Variants in CHL1 observed in about 807,000 individuals in gnomAD.
CHL1 encodes cell adhesion molecule L1 like.
In CHL1, 96 loss-of-function variants were observed where a neutral mutation model predicts 141.9. The observed-to-expected ratio is 0.68, with a 90% CI of 0.57 to 0.80. CHL1 has a LOEUF of 0.80. Ranked by LOEUF, CHL1 falls within the 30% of genes least tolerant of loss-of-function variation. The pLI is 0.00. For missense variants in CHL1, 1,820 were observed against 1,457.2 expected, an observed-to-expected ratio of 1.25 and a Z score of -4.05; for synonymous variants, 613 against 502.2, an observed-to-expected ratio of 1.22 and a Z score of -2.95.
chr3:347,133 A>G (rs1034819795), intron 9 of CHL1, among the ~76,000 whole-genome samples: 1 of 152,142 alleles, frequency 6.6e-6, no homozygotes, highest in Admixed American at 6.6e-5. Flanking sequence ...TAAAATGGCC[A>G]TAGATGGACT....
intron 2 of CHL1, among the ~76,000 whole-genome samples, chr3:248,843 AT>A (rs1693423286): frequency 1.3e-5 from 2 of 152,164 alleles, no homozygotes; most frequent in African/African-American, 4.8e-5. Flanking sequence ...GATCTCTTTC[AT>A]AAGCAGACAC....
At position 346,109 on chromosome 3, in the gene CHL1, T is replaced by C. The variant is rs959591241; in HGVS notation, c.848+1400T>C. ...TTTGAAATTCAAAAAATCATATTCA[T>C]TCATAATTTAGAGTACATTCTGAAC... On this transcript the variant is annotated intron_variant, in intron 9 of 27. Transcript: ENST00000256509. 9.2e-5 allele frequency among the ~76,000 whole-genome samples: 14 copies of C among 152,194 alleles called. No individual in the cohort carries two copies. The East Asian group carries it at 2.7e-3, about 29-fold the overall frequency.
chr3:396,659 G>C (rs138433262), intron 24 of CHL1, among the ~76,000 whole-genome samples: 1 of 151,978 alleles, frequency 6.6e-6, no homozygotes, highest in Non-Finnish European at 1.5e-5. Flanking sequence ...CTTCACTGTC[G>C]TATGTGTCAG....
chr3:267,982 A>G (rs895826218), intron 2 of CHL1, among the ~76,000 whole-genome samples: 2 of 152,102 alleles, frequency 1.3e-5, no homozygotes, highest in Non-Finnish European at 2.9e-5. Context: ...ATTCTTTCCT[A>G]TGAAAAACCA....
At chr3:205,129 G>T (rs181685176) in intron 1 of CHL1, among the ~76,000 whole-genome samples, 2 of 143,030 alleles carry the variant, frequency 1.4e-5, no homozygotes, top group Admixed American at 1.5e-4. Flanking sequence ...TGGAGATAGG[G>T]TCTGGCTCTG....
At chr3:224,446 G>T (rs1255971672) in intron 1 of CHL1, among the ~76,000 whole-genome samples, 1 of 152,166 alleles carries the variant, frequency 6.6e-6, no homozygotes, top group African/African-American at 2.4e-5. Flanking sequence ...CATGGGAACA[G>T]ATCCCGTATG....
intron 1 of CHL1, among the ~76,000 whole-genome samples, chr3:241,110 A>T (rs1017927241): frequency 3.9e-5 from 6 of 152,206 alleles, no homozygotes; most frequent in African/African-American, 1.4e-4. Flanking sequence ...AATACAGAAT[A>T]AAGGAAGTAG....
chr3:391,132 C>G lies in CHL1; in HGVS notation c.2764C>G (p.Pro922Ala). The change falls in exon 22 of 28, where the codon CCT becomes GCT. Residue 922 changes from proline to alanine, a missense_variant. Transcript: ENST00000256509. ...NSKGAGPESE[P>A]YIFQTPEGVP... is the part of the protein sequence containing the mutation. ...TAAAGGAGCTGGTCCTGAAAGTGAG[C>G]CTTATATATTTCAAACACCAGAAGG... is the stretch of plus-strand genomic sequence containing the variant. 6.2e-7 allele frequency: 1 copy of G among 1,612,890 alleles called. No homozygotes were observed. Among genetic ancestry groups the G allele is most frequent in the Non-Finnish European group, 8.5e-7 (1 of 1,179,032 alleles).
rs1258391274 is a variant in CHL1 at position 401,695 on chromosome 3, A to G, written c.3455A>G (p.Tyr1152Cys). The change falls in exon 27 of 28, where the codon TAC becomes TGC. Residue 1152 changes from tyrosine (Y) to cysteine (C), a missense_variant. Physicochemically the swap from Tyr to Cys is radical, Grantham distance 194. Transcript: ENST00000256509. ...QSVKDETFGE[Y>C]SDSDEKPLKG... is the part of the protein sequence containing the mutation. The stretch of plus-strand genomic sequence containing the variant: ...GTAAAAGATGAAACCTTTGGTGAAT[A>G]CAGGTAAACATAAGGTTCTGTTGTA... 1 of 1,551,764 alleles carries G rather than the reference A, an allele frequency of 6.4e-7. No homozygotes were observed. Among genetic ancestry groups the G allele is most frequent in the Non-Finnish European group, 8.8e-7 (1 of 1,136,880 alleles).
At chr3:269,015 C>G (rs1425398323) in intron 2 of CHL1, among the ~76,000 whole-genome samples, 1 of 152,136 alleles carries the variant, frequency 6.6e-6, no homozygotes, top group East Asian at 1.9e-4. Flanking sequence ...CTAGAGTTCA[C>G]AGCTGCATGC....
chr3:196,879 G>A lies in CHL1; in HGVS notation c.-359G>A. On this transcript the variant is annotated 5_prime_UTR_variant, in exon 1 of 28. Coordinates refer to ENST00000256509, the MANE Select transcript of CHL1 (RefSeq NM_006614.4). Reference sequence around the variant, plus strand: ...CGGCCAGAGAGCCAGCGGCGGGAGGGGACGGGCGGGACCTCCGCGGACAGC... The same window carrying A: ...CGGCCAGAGAGCCAGCGGCGGGAGGAGACGGGCGGGACCTCCGCGGACAGC... 1 of 152,858 alleles carries A rather than the reference G, an allele frequency of 6.5e-6. No individual in the cohort carries two copies. The highest frequency in any genetic ancestry group is 1.5e-5 in the Non-Finnish European group (1 of 68,488). The allele number at this position is 152,858 out of a possible 1,614,324, so 9.5% of individuals were successfully genotyped here.
chr3:204,894 T>G (rs1175500627), intron 1 of CHL1, among the ~76,000 whole-genome samples: 4 of 152,068 alleles, frequency 2.6e-5, no homozygotes, highest in Non-Finnish European at 5.9e-5. Context: ...TACAATAACA[T>G]AGTGAACAAA....
chr3:366,768 C>T (rs565910452), intron 15 of CHL1, among the ~76,000 whole-genome samples: 2 of 152,072 alleles, frequency 1.3e-5, no homozygotes, highest in African/African-American at 4.8e-5. Context: ...CAAAGCACTG[C>T]AGCTGCAATC....
At chr3:230,354 C>A (rs331864) in intron 1 of CHL1, among the ~76,000 whole-genome samples, 149,429 of 152,322 alleles carry the variant, frequency 0.98, 73,316 homozygotes, top group East Asian at 1. Flanking sequence ...CCCAAGTAGG[C>A]AGGCTCTGCA....
chr3:349,164 A>C (rs138281271), intron 9 of CHL1, among the ~76,000 whole-genome samples, 195 bp from the exon 10 acceptor site: 11 of 152,310 alleles, frequency 7.2e-5, no homozygotes, highest in Non-Finnish European at 1.5e-4. Context: ...CTTTCAGTGA[A>C]AGAGACTTGC....
At chr3:335,860 T>G (rs1701823007) in intron 5 of CHL1, among the ~76,000 whole-genome samples, 1 of 152,182 alleles carries the variant, frequency 6.6e-6, no homozygotes, top group African/African-American at 2.4e-5. Flanking sequence ...GAAAACTCCC[T>G]GTCCCTTTGG....
intron 15 of CHL1, among the ~76,000 whole-genome samples, chr3:373,384 A>G (rs1705891114): frequency 6.6e-6 from 1 of 152,166 alleles, no homozygotes; most frequent in South Asian, 2.1e-4. Flanking sequence ...ACTCAGGGTC[A>G]GGCCTGAAGA....
chr3:213,294 C>G (rs921056225), intron 1 of CHL1: 2 of 152,158 alleles, frequency 1.3e-5, no homozygotes. Flanking sequence ...ATCATTTCAG[C>G]GCTGATAGAC....
chr3:198,848 A>T (rs1023243478), intron 1 of CHL1, among the ~76,000 whole-genome samples: 14 of 152,244 alleles, frequency 9.2e-5, no homozygotes, highest in African/African-American at 3.1e-4. Context: ...TCCAACTCCT[A>T]CGAAGCTCTG....
Sources: gnomAD v4.1 joint callset for allele counts (sites outside exome capture counted in the v4.1 genomes callset) on GRCh38, gnomAD v4.1.1 for gene constraint, MANE v1.5 for transcripts, NCBI Gene and HGNC (gene_info 2026-07-23, HGNC 2026-07-21) for gene names.